ZNF385D: variants seen among roughly 807,000 people sequenced by gnomAD.
ZNF385D encodes zinc finger protein 659.
Under a neutral mutation model 35.8 loss-of-function variants are expected in ZNF385D, and 15 were observed. The ratio of observed to expected loss-of-function variants is 0.42; its 90% confidence interval spans 0.28 to 0.64. The LOEUF is 0.64. Among genes scored for constraint, ZNF385D ranks in the 30% least tolerant of loss-of-function variants. The pLI is 0.23. For missense variants in ZNF385D, 474 were observed against 494.6 expected (o/e 0.96, Z 0.39); for synonymous variants, 212 against 186.8 (o/e 1.13, Z -1.10).
At chr3:21,961,263 G>A (rs1702576714) in intron 3 of ZNF385D, among the ~76,000 whole-genome samples, 1 of 152,028 alleles carries the variant, frequency 6.6e-6, no homozygotes, top group Admixed American at 6.5e-5. Flanking sequence ...AAAAGGTCTT[G>A]GTATTTGGAT....
At chr3:21,918,052 G>C (rs1006204898) in intron 3 of ZNF385D, among the ~76,000 whole-genome samples, 3 of 152,194 alleles carry the variant, frequency 2.0e-5, no homozygotes, top group Non-Finnish European at 2.9e-5. Flanking sequence ...CTTAGAGATG[G>C]AGCAGAGTTT....
At chr3:21,769,698 G>T (rs961038194) in intron 3 of ZNF385D, among the ~76,000 whole-genome samples, 1 of 120,330 alleles carries the variant, frequency 8.3e-6, no homozygotes, top group Non-Finnish European at 1.7e-5. Flanking sequence ...TCCCCATCAA[G>T]CTCCCAATGA....
chr3:22,305,959 G>A (rs1048286867), intron 2 of ZNF385D, among the ~76,000 whole-genome samples: 2 of 152,120 alleles, frequency 1.3e-5, no homozygotes, highest in Admixed American at 6.6e-5. Context: ...TTTCTAGTAC[G>A]ATTCTGTTGA....
At chr3:21,733,981 T>C (rs2125498561) in intron 1 of ZNF385D, among the ~76,000 whole-genome samples, 1 of 152,130 alleles carries the variant, frequency 6.6e-6, no homozygotes, top group South Asian at 2.1e-4. Flanking sequence ...TTAATTATTA[T>C]GTTTTTTTGG....
intron 3 of ZNF385D, among the ~76,000 whole-genome samples, chr3:22,145,250 G>C (rs568789911): frequency 1.3e-5 from 2 of 152,214 alleles, no homozygotes; most frequent in African/African-American, 2.4e-5. Context: ...AAAGTTATTA[G>C]GTTGGTGCAT....
At chr3:22,332,549 T>TTAA (rs1450973680) in intron 2 of ZNF385D, among the ~76,000 whole-genome samples, 52 of 151,962 alleles carry the variant, frequency 3.4e-4, no homozygotes, top group African/African-American at 1.1e-3. Flanking sequence ...AGGATGAAGC[T>TTAA]TAATAAAACA....
chr3:21,968,964 T>G (rs1465645139), intron 3 of ZNF385D, among the ~76,000 whole-genome samples: 1 of 152,188 alleles, frequency 6.6e-6, no homozygotes, highest in Non-Finnish European at 1.5e-5. Flanking sequence ...ATTGCTGGAC[T>G]TGGCTTGGGC....
chr3:22,221,083 T>A (rs1307874736), intron 2 of ZNF385D, among the ~76,000 whole-genome samples: 1 of 152,068 alleles, frequency 6.6e-6, no homozygotes, highest in African/African-American at 2.4e-5. Context: ...TGCAGTTATT[T>A]ACCATGCTAT....
chr3:21,573,196 C>A (rs895542925), intron 2 of ZNF385D, among the ~76,000 whole-genome samples: 2 of 152,124 alleles, frequency 1.3e-5, no homozygotes, highest in African/African-American at 4.8e-5. Flanking sequence ...ATTAGGTTCT[C>A]TAGATATACA....
chr3:22,123,208 G>C (rs531414694), intron 3 of ZNF385D, among the ~76,000 whole-genome samples: 61 of 152,216 alleles, frequency 4.0e-4, no homozygotes, highest in Non-Finnish European at 6.3e-4. Context: ...AAAAAGTGGA[G>C]GGGAGAAGCG....
At chr3:21,561,690 T>C (rs1294981993) in intron 3 of ZNF385D, among the ~76,000 whole-genome samples, 1 of 152,100 alleles carries the variant, frequency 6.6e-6, no homozygotes, top group African/African-American at 2.4e-5. Context: ...GGGTGGGAGA[T>C]TGGGGAATGT....
At chr3:22,252,074 A>C (rs1213865195) in intron 2 of ZNF385D, among the ~76,000 whole-genome samples, 1 of 152,082 alleles carries the variant, frequency 6.6e-6, no homozygotes, top group East Asian at 1.9e-4. Context: ...GAACTCAGGG[A>C]AGGGAGAGAG....
intron 2 of ZNF385D, among the ~76,000 whole-genome samples, chr3:22,205,961 G>C (rs574560535): frequency 1.3e-5 from 2 of 151,844 alleles, no homozygotes; most frequent in African/African-American, 4.8e-5. Flanking sequence ...AAGACATAGA[G>C]TGGCTGATTG....
chr3:21,546,896 G>T (rs142320005), intron 3 of ZNF385D, among the ~76,000 whole-genome samples: 6 of 151,822 alleles, frequency 4.0e-5, no homozygotes, highest in East Asian at 2.0e-4. Context: ...TGCCAAAGTC[G>T]CTGGAGCTCG....
chr3:21,955,326 G>A (rs1392304233), intron 3 of ZNF385D, among the ~76,000 whole-genome samples: 2 of 151,998 alleles, frequency 1.3e-5, no homozygotes, highest in Non-Finnish European at 2.9e-5. Context: ...TGGGGACAGG[G>A]CATGAAAGAA....
rs1700522392 is a variant in ZNF385D, at chr3:21,413,619, G to A, written c.*7595C>T. 6.6e-6 allele frequency: 1 copy of A among 152,040 alleles called. No individual in the cohort carries two copies. The highest frequency in any genetic ancestry group is 1.5e-5 in the Non-Finnish European group (1 of 67,966). The allele number at this position is 152,040 out of a possible 1,614,324, so 9.4% of individuals were successfully genotyped here. On this transcript the variant is annotated 3_prime_UTR_variant, in exon 8 of 8. Coordinates refer to ENST00000281523, the MANE Select transcript of ZNF385D (RefSeq NM_024697.3). ...AGAGATTGATATTAGATAAAACCCT[G>A]GTTATATTTTTTAAGCCATAAGAAT... is the stretch of plus-strand genomic sequence containing the variant.
chr3:21,964,148 A>G (rs1171982166), intron 3 of ZNF385D, among the ~76,000 whole-genome samples: 1 of 152,086 alleles, frequency 6.6e-6, no homozygotes. Context: ...TATAATCTTC[A>G]GTAAAGAATG....
intron 4 of ZNF385D, among the ~76,000 whole-genome samples, chr3:21,499,269 A>T (rs1426986002): frequency 1.3e-5 from 2 of 152,220 alleles, no homozygotes; most frequent in East Asian, 3.9e-4. Context: ...AAAATTTGGT[A>T]CATATACACC....
At chr3:21,944,670 T>C (rs1701687125) in intron 3 of ZNF385D, among the ~76,000 whole-genome samples, 1 of 152,190 alleles carries the variant, frequency 6.6e-6, no homozygotes, top group African/African-American at 2.4e-5. Context: ...CAGAATCATT[T>C]AGAAACGTTA....
Sources: gnomAD v4.1 joint callset for allele counts (sites outside exome capture counted in the v4.1 genomes callset) on GRCh38, gnomAD v4.1.1 for gene constraint, MANE v1.5 for transcripts, NCBI Gene and HGNC (gene_info 2026-07-23, HGNC 2026-07-21) for gene names.